The following MIOX variants were observed in gnomAD, a reference collection of about 807,000 sequenced individuals.
The protein encoded by MIOX is myo-inositol oxygenase.
Under a neutral mutation model 42.7 loss-of-function variants are expected in MIOX, and 51 were observed. That is an observed-to-expected ratio of 1.19 (90% CI 0.95 to 1.51). The LOEUF is 1.51. Ranked by LOEUF, MIOX falls within the 40% of genes most tolerant of loss-of-function variation. The pLI is 0.00. For synonymous variants in MIOX, 168 were observed against 154.4 expected, an observed-to-expected ratio of 1.09 and a Z score of -0.65; for missense variants, 395 against 381.3, an observed-to-expected ratio of 1.04 and a Z score of -0.30.
rs1016749486 is a variant in MIOX at position 50,487,708 on chromosome 22, A to C, written c.143A>C (p.His48Pro). The change falls in exon 3 of 10, where the codon CAC (histidine) becomes CCC (proline). Residue 48 changes from histidine (H) to proline (P), a missense_variant. Transcript: ENST00000216075. ...GTCTTCACCACCTACAAGCTCATGC[A>C]CACGCACCAGACAGTGGACTTCGTC... ...DRVFTTYKLMHTHQTVDFVRS... is the reference protein window; with the variant it reads ...DRVFTTYKLMPTHQTVDFVRS... 2 of 1,613,740 alleles carry C rather than the reference A, an allele frequency of 1.2e-6. No homozygotes were observed. The highest frequency in any genetic ancestry group is 1.7e-5 in the Admixed American group (1 of 59,996).
In MIOX at chr22:50,490,302, A is replaced by C; in HGVS notation, c.*446A>C. ...AAAAAATACCCCAATAGCTAAAATA[A>C]TACATTCATAGAAAACAACAAAAAA... On this transcript the variant is annotated 3_prime_UTR_variant, in exon 10 of 10. Transcript: ENST00000216075. 5.3e-6 allele frequency: 1 copy of C among 187,084 alleles called. No individual in the cohort carries two copies. The highest frequency in any genetic ancestry group is 1.1e-5 in the Non-Finnish European group (1 of 87,658). 11.6% of individuals were successfully genotyped at this position (187,084 alleles called of 1,614,324 possible).
intron 1 of MIOX, 100 bp downstream of exon 1, chr22:50,487,012 TCC>T: frequency 1.4e-6 from 2 of 1,454,586 alleles, no homozygotes; most frequent in South Asian, 1.2e-5. Flanking sequence ...GCCCTCCTCC[TCC>T]GTCCAGCTGG....
chr22:50,489,849 G>C lies in MIOX; in HGVS notation c.851G>C (p.Ser284Thr), dbSNP rs954662578. ...LIDKYCPGILSW is the reference protein window; with the variant it reads ...LIDKYCPGILTW ...GACAAGTACTGCCCTGGCATCCTGA[G>C]CTGGTGACCCTCCTGCCACCCAAGC... Residue 284 changes from serine (S) to threonine (T), a missense_variant, in exon 10 of 10, where the codon AGC (serine) becomes ACC (threonine). By Grantham distance (58) the Ser-to-Thr change is moderately conservative (BLOSUM62 1). Coordinates refer to ENST00000216075, the MANE Select transcript of MIOX (RefSeq NM_017584.6). The C allele has an allele frequency of 6.2e-7, 1 of 1,609,946 alleles. No individual in the cohort carries two copies. Among genetic ancestry groups the C allele is most frequent in the African/African-American group, 1.3e-5 (1 of 74,990 alleles).
intron 1 of MIOX, 69 bp from the exon 2 acceptor site, chr22:50,487,316 T>A (rs1237084091): frequency 8.1e-6 from 11 of 1,356,076 alleles, no homozygotes; most frequent in Non-Finnish European, 1.1e-5. Flanking sequence ...GCAGCCACCC[T>A]GGGAATGTCT....
rs748064756 is a variant in MIOX, at chr22:50,489,633, G to C, written c.738G>C (p.Val246=). Reference sequence around the variant, plus strand: ...AGGACCTGGCCATGCTGCCCTGGGTGCGGGAGTTCAAGTACGCCCCGCTAC... The same window carrying C: ...AGGACCTGGCCATGCTGCCCTGGGTCCGGGAGTTCAAGTACGCCCCGCTAC... ...SQQDLAMLPW[V]REFNKFDLYT... The change falls in exon 9 of 10, where the codon GTG becomes GTC. Residue 246 remains valine, a synonymous_variant. Transcript: ENST00000216075. The C allele has an allele frequency of 6.2e-7, 1 of 1,611,796 alleles. No individual in the cohort carries two copies. The highest frequency in any genetic ancestry group is 1.7e-5 in the Admixed American group (1 of 59,964).
intron 5 of MIOX, 70 bp downstream of exon 5, chr22:50,488,412 C>G: frequency 7.5e-7 from 1 of 1,340,604 alleles, no homozygotes; most frequent in Admixed American, 2.0e-5. Context: ...GGCCTTGGTG[C>G]TTGGCCTGGG....
Position 50,489,321 on chromosome 22 carries a change from C to T in MIOX, c.586+26C>T, listed in dbSNP as rs764350401. 8.8e-5 allele frequency: 37 copies of T among 418,616 alleles called. No homozygotes were observed. In the Admixed American group the frequency reaches 1.0e-3, roughly 11 times the overall value. 25.9% of individuals were successfully genotyped at this position (418,616 alleles called of 1,614,324 possible). A position where few individuals can be genotyped will look rare whatever the true frequency, so the allele number is the denominator to read the frequency against. ...GTGAGGCCAGAGGCGGGCAGTGGGG[C>T]GGTGGGGGGCGGTGGGGGACGGTGG... On this transcript the variant is annotated intron_variant, in intron 7 of 9. Transcript: ENST00000216075.
intron 3 of MIOX, 21 bp downstream of exon 3, chr22:50,487,763 C>G (rs200751611): frequency 1.2e-6 from 2 of 1,612,910 alleles, no homozygotes; most frequent in South Asian, 2.2e-5. Flanking sequence ...CCTGCCGCCC[C>G]GTGCAAACGC....
At position 50,487,368 on chromosome 22, in the gene MIOX, A is replaced by G; in HGVS notation, c.16-17A>G. The G allele has an allele frequency of 1.9e-6, 3 of 1,601,696 alleles. No homozygotes were observed. The highest frequency in any genetic ancestry group is 1.7e-5 in the Admixed American group (1 of 58,510). ...CTGACATGATGGTGAAATAGGTTCAATCCTCCACCTACCCAGGGCCCAGAC... is the reference window on the plus strand; with the variant it reads ...CTGACATGATGGTGAAATAGGTTCAGTCCTCCACCTACCCAGGGCCCAGAC... On this transcript the variant is annotated splice_polypyrimidine_tract_variant and intron_variant, in intron 1 of 9. Transcript: ENST00000216075.
chr22:50,488,996 C>T, intron 5 of MIOX, 44 bp from the exon 6 acceptor site: 1 of 1,339,470 alleles, frequency 7.5e-7, no homozygotes, highest in Non-Finnish European at 1.0e-6. Context: ...CGACACCTTC[C>T]CCCACTCCCC....
rs1158413724 is a variant in MIOX, at chr22:50,489,591, G to A, written c.696G>A (p.Gln232=). 3.1e-6 allele frequency: 5 copies of A among 1,612,500 alleles called. No individual in the cohort carries two copies. The highest frequency in any genetic ancestry group is 4.2e-6 in the Non-Finnish European group (5 of 1,179,840). ...CCTGGCACACGGGCCGCGACTACCAGCAGCTGTGCAGCCAGCAGGACCTGG... is the reference window on the plus strand; with the variant it reads ...CCTGGCACACGGGCCGCGACTACCAACAGCTGTGCAGCCAGCAGGACCTGG... ...FYPWHTGRDY[Q]QLCSQQDLAM... The change falls in exon 9 of 10, where the codon CAG becomes CAA. Residue 232 remains glutamine, a synonymous_variant. Coordinates refer to ENST00000216075, the MANE Select transcript of MIOX (RefSeq NM_017584.6).
chr22:50,488,284 A>T lies in MIOX; in HGVS notation c.350A>T (p.His117Leu). The change falls in exon 5 of 10, where the codon CAC (histidine) becomes CTC (leucine). Residue 117 changes from histidine to leucine, a missense_variant. Transcript: ENST00000216075. ...TCCATCCCCCTCCCAGACTGGTTCC[A>T]CCTCGTCGGGCTCCTGCACGACCTG... ...RKAHPDKDWFHLVGLLHDLGK... is the reference protein window; with the variant it reads ...RKAHPDKDWFLLVGLLHDLGK... 6.2e-7 allele frequency: 1 copy of T among 1,613,056 alleles called. No individual in the cohort carries two copies. Among genetic ancestry groups the T allele is most frequent in the South Asian group, 1.1e-5 (1 of 90,928 alleles).
Position 50,489,966 on chromosome 22 carries a change from C to A in MIOX, c.*110C>A, listed in dbSNP as rs2148637932. 3.1e-6 allele frequency: 3 copies of A among 980,248 alleles called. 1 individual carries two copies. Among genetic ancestry groups the A allele is most frequent in the Non-Finnish European group, 1.6e-6 (1 of 641,708 alleles). The allele number at this position is 980,248 out of a possible 1,614,324, so 60.7% of individuals were successfully genotyped here. On this transcript the variant is annotated 3_prime_UTR_variant, in exon 10 of 10. Transcript: ENST00000216075. Reference sequence around the variant, plus strand: ...ATCAGGGTTCACCTCGGTGGGGGACCCCACTCACCCCCTTAGGGTCGCCAC... The same window carrying A: ...ATCAGGGTTCACCTCGGTGGGGGACACCACTCACCCCCTTAGGGTCGCCAC...
rs762711127 is a variant in MIOX, at chr22:50,489,587, A to G, written c.692A>G (p.Tyr231Cys). 1.5e-5 allele frequency: 24 copies of G among 1,612,146 alleles called. No homozygotes were observed. The South Asian group carries it at 2.5e-4, about 17-fold the overall frequency. The change falls in exon 9 of 10, where the codon TAC becomes TGC. Residue 231 changes from tyrosine to cysteine, a missense_variant. Coordinates refer to ENST00000216075, the MANE Select transcript of MIOX (RefSeq NM_017584.6). ...TACCCCTGGCACACGGGCCGCGACT[A>G]CCAGCAGCTGTGCAGCCAGCAGGAC... ...SFYPWHTGRD[Y>C]QQLCSQQDLA...
At chr22:50,487,356 G>T in intron 1 of MIOX, 29 bp from the exon 2 acceptor site, 1 of 1,574,912 alleles carries the variant, frequency 6.3e-7, no homozygotes, top group Non-Finnish European at 8.7e-7. Context: ...ACATGATGGT[G>T]AAATAGGTTC....
In MIOX at chr22:50,490,097, A is replaced by G; in HGVS notation, c.*241A>G. 2 of 548,790 alleles carry G rather than the reference A, an allele frequency of 3.6e-6. No individual in the cohort carries two copies. The highest frequency in any genetic ancestry group is 6.6e-6 in the Non-Finnish European group (2 of 303,386). 34.0% of individuals were successfully genotyped at this position (548,790 alleles called of 1,614,324 possible). On this transcript the variant is annotated 3_prime_UTR_variant, in exon 10 of 10. Transcript: ENST00000216075. ...AGCAGGGCGTGGCCCAGGCCGAGGG[A>G]TGGTGCCAGCAGGGTGGAGGCCAAG...
intron 1 of MIOX, 150 bp from the exon 2 acceptor site, chr22:50,487,235 T>G: frequency 1.4e-6 from 1 of 698,670 alleles, no homozygotes; most frequent in Non-Finnish European, 2.4e-6. Flanking sequence ...GGGGCTGGGA[T>G]GATGGCGTGG....
intron 3 of MIOX, 46 bp from the exon 4 acceptor site, chr22:50,487,840 T>C (rs1288707856): frequency 1.4e-5 from 23 of 1,612,124 alleles, no homozygotes; most frequent in Non-Finnish European, 1.8e-5. Context: ...GCCTGTGTGG[T>C]GGGCCTGCTG....
chr22:50,488,408 G>T (rs972697198), intron 5 of MIOX, 66 bp downstream of exon 5: 5 of 1,379,938 alleles, frequency 3.6e-6, no homozygotes, highest in Middle Eastern at 4.2e-4. Context: ...GAGTGGCCTT[G>T]GTGCTTGGCC....
Sources: gnomAD v4.1 joint callset for allele counts on GRCh38, gnomAD v4.1.1 for gene constraint, MANE v1.5 for transcripts, NCBI Gene and HGNC (gene_info 2026-07-23, HGNC 2026-07-21) for gene names.